The following SLC23A2 variants were observed in gnomAD, a reference collection of about 807,000 sequenced individuals.
The protein encoded by SLC23A2 is solute carrier family 23 member 2.
A neutral mutation model predicts 73.3 loss-of-function variants in SLC23A2; 36 were observed. The ratio of observed to expected loss-of-function variants is 0.49; its 90% CI spans 0.38 to 0.65. The LOEUF (loss-of-function observed/expected upper bound fraction) is 0.65. Among genes scored for constraint, SLC23A2 ranks in the 30% least tolerant of loss-of-function variants. The pLI is 0.00. For synonymous variants in SLC23A2, 343 were observed against 327.3 expected, an observed-to-expected ratio of 1.05 and a Z score of -0.52; for missense variants, 507 against 841.6, an observed-to-expected ratio of 0.60 and a Z score of 4.92.
chr20:4,961,285 G>C (rs1018901793), intron 2 of SLC23A2, among the ~76,000 whole-genome samples: 2 of 151,952 alleles, frequency 1.3e-5, no homozygotes, highest in African/African-American at 4.8e-5. Flanking sequence ...GTTTCACCTT[G>C]TTAGCCAGGA....
Position 4,883,509 on chromosome 20 carries a change from C to T in SLC23A2, c.824+133G>A. On this transcript the variant is annotated intron_variant, in intron 9 of 16. Transcript: ENST00000338244. The surrounding 1 kb of genome is among the most constrained non-coding windows in gnomAD (Gnocchi z 4.5). ...GGGTCAAAAACCCTTCAACTATTCC[C>T]CAGCACGAAGCAAATAAAGTTGAAA... 4 of 700,798 alleles carry T rather than the reference C, an allele frequency of 5.7e-6. No individual in the cohort carries two copies. The highest frequency in any genetic ancestry group is 9.4e-6 in the Non-Finnish European group (4 of 425,158). The allele number at this position is 700,798 out of a possible 1,614,324, so 43.4% of individuals were successfully genotyped here.
chr20:4,993,748 G>A (rs2087970102), intron 1 of SLC23A2, among the ~76,000 whole-genome samples: 1 of 152,118 alleles, frequency 6.6e-6, no homozygotes, highest in Non-Finnish European at 1.5e-5. Flanking sequence ...GTGAAGCAAT[G>A]TCTATAAATA....
chr20:4,900,020 A>C (rs992626910), intron 5 of SLC23A2, among the ~76,000 whole-genome samples: 6 of 152,078 alleles, frequency 3.9e-5, no homozygotes, highest in Non-Finnish European at 7.4e-5. Context: ...ACAGGGGCGC[A>C]CCACCACGCC....
chr20:4,939,165 A>T (rs1164996868), intron 2 of SLC23A2, among the ~76,000 whole-genome samples: 1 of 152,238 alleles, frequency 6.6e-6, no homozygotes, highest in Non-Finnish European at 1.5e-5. Flanking sequence ...GAGCTGTGGG[A>T]AACAGAAAGA....
chr20:4,961,690 CCTGA>C (rs1360909294), intron 2 of SLC23A2, among the ~76,000 whole-genome samples: 2 of 152,058 alleles, frequency 1.3e-5, no homozygotes, highest in Admixed American at 1.3e-4. Flanking sequence ...AGATTCCAGC[CCTGA>C]CTGTGCCATT....
chr20:4,965,283 G>A (rs577987061), intron 2 of SLC23A2, among the ~76,000 whole-genome samples: 21 of 152,186 alleles, frequency 1.4e-4, no homozygotes, highest in African/African-American at 4.3e-4. Flanking sequence ...AAAGGTAAGC[G>A]CTCTTCATAC....
Position 4,889,296 on chromosome 20 carries a change from G to A in SLC23A2, c.483-3387C>T, listed in dbSNP as rs910390341. Among the ~76,000 whole-genome samples the A allele has an allele frequency of 3.9e-5, 6 of 151,994 alleles. No homozygotes were observed. In the South Asian group the frequency reaches 1.0e-3, roughly 26 times the overall value. ...AGGTGCAAAACAAGAGCCACAGGAC[G>A]GACCCAGGAACCCTCAGAGGACTGC... On this transcript the variant is annotated intron_variant, in intron 6 of 16. Coordinates refer to ENST00000338244, the MANE Select transcript of SLC23A2 (RefSeq NM_005116.6).
At chr20:4,989,055 G>A (rs1304105348) in intron 1 of SLC23A2, among the ~76,000 whole-genome samples, 1 of 151,602 alleles carries the variant, frequency 6.6e-6, no homozygotes, top group Non-Finnish European at 1.5e-5. Flanking sequence ...CCTGACCAAT[G>A]TGGTGAAACC....
intron 6 of SLC23A2, among the ~76,000 whole-genome samples, chr20:4,891,078 A>G (rs1476585769): frequency 6.6e-6 from 1 of 152,118 alleles, no homozygotes; most frequent in Admixed American, 6.5e-5. Context: ...TTATTTGGTG[A>G]TAAGTACTGT....
chr20:5,003,598 C>T (rs1321184404), upstream of SLC23A2, among the ~76,000 whole-genome samples: 1 of 151,522 alleles, frequency 6.6e-6, no homozygotes, highest in Non-Finnish European at 1.5e-5. Flanking sequence ...GTTCCAGGGT[C>T]AAGACCCCCT....
chr20:4,932,542 A>G lies in SLC23A2; in HGVS notation c.21T>C (p.Asn7=), dbSNP rs2122944734. ...CAGCCTCCATTGATTTGGATGTGGT[A>G]TTCTTACCAATACCCATCATTAAGA... MMGIGK[N]TTSKSMEAGS... is the part of the protein sequence containing the mutation. Residue 7 remains asparagine, a synonymous_variant, in exon 3 of 17, where the codon AAT becomes AAC. Transcript: ENST00000338244. The G allele has an allele frequency of 6.3e-7, 1 of 1,590,886 alleles. No homozygotes were observed. The highest frequency in any genetic ancestry group is 8.6e-7 in the Non-Finnish European group (1 of 1,158,790).
At chr20:4,961,109 CTT>C (rs1168797126) in intron 2 of SLC23A2, among the ~76,000 whole-genome samples, 7 of 131,132 alleles carry the variant, frequency 5.3e-5, no homozygotes, top group Non-Finnish European at 9.9e-5. Context: ...TTTTCTTTTT[CTT>C]TTTTTTTTTT....
chr20:4,906,559 G>A (rs1454684260), intron 4 of SLC23A2, among the ~76,000 whole-genome samples: 1 of 152,304 alleles, frequency 6.6e-6, no homozygotes, highest in South Asian at 2.1e-4. Context: ...GGCAGAGGCT[G>A]CAGTGAGCCA....
At chr20:4,951,057 C>T (rs977645424) in intron 2 of SLC23A2, among the ~76,000 whole-genome samples, 8 of 152,148 alleles carry the variant, frequency 5.3e-5, no homozygotes, top group Non-Finnish European at 1.2e-4. Flanking sequence ...ACACATCCAA[C>T]CCATCAGGTC....
At chr20:4,922,974 A>G (rs1932546655) in intron 3 of SLC23A2, among the ~76,000 whole-genome samples, 1 of 152,180 alleles carries the variant, frequency 6.6e-6, no homozygotes, top group South Asian at 2.1e-4. Context: ...TCTCCCAACT[A>G]TTAGATGTGT....
intron 6 of SLC23A2, among the ~76,000 whole-genome samples, chr20:4,887,404 C>A (rs1931145596): frequency 6.6e-6 from 1 of 152,198 alleles, no homozygotes; most frequent in Non-Finnish European, 1.5e-5. Flanking sequence ...CAGACTTCAA[C>A]CAGTGCATCC....
intron 9 of SLC23A2, among the ~76,000 whole-genome samples, chr20:4,882,345 A>T (rs1930922185): frequency 6.6e-6 from 1 of 152,170 alleles, no homozygotes; most frequent in African/African-American, 2.4e-5. Context: ...ACTGCACTCC[A>T]GCCTGGGCAA....
At position 4,996,383 on chromosome 20, in the gene SLC23A2, T is replaced by A. The variant is rs540136674; in HGVS notation, c.-282+5023A>T. ...CATCAGCTGCTTTGAGCAAAACTCA[T>A]GAGTGGGCAAAACTCATGAGTGGGC... On this transcript the variant is annotated intron_variant, in intron 1 of 16. Coordinates refer to ENST00000338244, the MANE Select transcript of SLC23A2 (RefSeq NM_005116.6). Among the ~76,000 whole-genome samples, 14 of 152,164 alleles carry A rather than the reference T, an allele frequency of 9.2e-5. No homozygotes were observed. In the South Asian group the frequency reaches 2.1e-3, roughly 23 times the overall value.
At chr20:4,992,782 T>C (rs2087949107) in intron 1 of SLC23A2, among the ~76,000 whole-genome samples, 1 of 151,434 alleles carries the variant, frequency 6.6e-6, no homozygotes, top group South Asian at 2.1e-4. Flanking sequence ...AGTGCTGAGA[T>C]TACAGGCATG....
Sources: gnomAD v4.1 joint callset for allele counts (sites outside exome capture counted in the v4.1 genomes callset) on GRCh38, gnomAD v4.1.1 for gene constraint, Gnocchi (gnomAD v3.1) non-coding constraint, MANE v1.5 for transcripts, NCBI Gene and HGNC (gene_info 2026-07-23, HGNC 2026-07-21) for gene names.